The following PCDH9 variants were observed in gnomAD, a reference collection of about 807,000 sequenced individuals.
PCDH9 encodes protocadherin 9.
Under a neutral mutation model 70.6 loss-of-function variants are expected in PCDH9, and 24 were observed. The ratio of observed to expected loss-of-function variants is 0.34; its 90% CI spans 0.25 to 0.48. The LOEUF is 0.48. Among genes scored for constraint, PCDH9 ranks in the 20% least tolerant of loss-of-function variants. PCDH9 has a pLI of 0.99. For missense variants in PCDH9, 1,281 were observed against 1,503.6 expected, an observed-to-expected ratio of 0.85 and a Z score of 2.45; for synonymous variants, 562 against 558.5, an observed-to-expected ratio of 1.01 and a Z score of -0.09.
intron 2 of PCDH9, among the ~76,000 whole-genome samples, chr13:67,094,665 CT>C (rs201960584): frequency 0.19 from 26,734 of 143,794 alleles, 2,813 homozygotes; most frequent in East Asian, 0.27. Flanking sequence ...GATTCTTCTT[CT>C]TTTTTTTTTT....
rs55837718 is a variant in PCDH9 at position 66,304,260 on chromosome 13, C to CAAAAAAAAAAAAAAAAAAAAAAA, written c.*372_*394dup. On this transcript the variant is annotated 3_prime_UTR_variant, in exon 5 of 5. Transcript: ENST00000377865. ...TAGCAGTCCCAGCACAAATCAATGA[C>CAAAAAAAAAAAAAAAAAAAAAAA]AAAAAAAAAAAAAAAAAAAAAAAAA... 3.1e-5 allele frequency: 2 copies of CAAAAAAAAAAAAAAAAAAAAAAA among 65,320 alleles called. No homozygotes were observed. Among genetic ancestry groups the CAAAAAAAAAAAAAAAAAAAAAAA allele is most frequent in the Non-Finnish European group, 5.4e-5 (2 of 36,830 alleles). 4.0% of individuals were successfully genotyped at this position (65,320 alleles called of 1,614,324 possible).
intron 3 of PCDH9, among the ~76,000 whole-genome samples, chr13:66,770,482 G>C (rs1018338077): frequency 2.6e-5 from 4 of 152,162 alleles, no homozygotes; most frequent in Admixed American, 1.3e-4. Flanking sequence ...AAACATGCTG[G>C]ATATTTCCTT....
At chr13:66,486,449 C>G (rs368209323) in intron 4 of PCDH9, among the ~76,000 whole-genome samples, 58 of 54,232 alleles carry the variant, frequency 1.1e-3, no homozygotes, top group African/African-American at 3.4e-3. Flanking sequence ...AGAGCTAGAC[C>G]CTGTCCCCCC....
intron 4 of PCDH9, among the ~76,000 whole-genome samples, chr13:66,425,153 C>A (rs1957646863): frequency 6.6e-6 from 1 of 151,740 alleles, no homozygotes; most frequent in Non-Finnish European, 1.5e-5. Context: ...AAGAGTATTG[C>A]ACTATATATA....
At chr13:66,334,282 CAT>C (rs1955994728) in intron 4 of PCDH9, among the ~76,000 whole-genome samples, 1 of 152,064 alleles carries the variant, frequency 6.6e-6, no homozygotes, top group African/African-American at 2.4e-5. Context: ...TGAGTGAGAA[CAT>C]GTGATATTTG....
At position 67,052,949 on chromosome 13, in the gene PCDH9, A is replaced by G. The variant is rs1257105729; in HGVS notation, c.3037-149344T>C. On this transcript the variant is annotated intron_variant, in intron 2 of 4. Coordinates refer to ENST00000377865, the MANE Select transcript of PCDH9 (RefSeq NM_203487.3). ...TCCATATGGTGCTGCCCATATGGAC[A>G]TGACAAGTAAGCCGTTCCATCAGAG... Among the ~76,000 whole-genome samples, 4 of 152,214 alleles carry G rather than the reference A, an allele frequency of 2.6e-5. No individual in the cohort carries two copies. In the East Asian group the frequency reaches 7.7e-4, roughly 29 times the overall value.
intron 4 of PCDH9, among the ~76,000 whole-genome samples, chr13:66,483,512 C>T (rs1028677193): frequency 6.6e-6 from 1 of 152,216 alleles, no homozygotes; most frequent in Non-Finnish European, 1.5e-5. Flanking sequence ...GGGAAATTAT[C>T]ACCATCAGTG....
At chr13:67,000,041 A>C (rs1269260996) in intron 2 of PCDH9, among the ~76,000 whole-genome samples, 2 of 152,324 alleles carry the variant, frequency 1.3e-5, no homozygotes, top group Admixed American at 1.3e-4. Context: ...ACGTATGTTT[A>C]TTGCGGCACT....
At chr13:66,904,734 A>C (rs1260097965) in intron 2 of PCDH9, among the ~76,000 whole-genome samples, 1 of 151,966 alleles carries the variant, frequency 6.6e-6, no homozygotes, top group Non-Finnish European at 1.5e-5. Context: ...TAGAATTTTA[A>C]TATATTGTGT....
chr13:66,568,994 C>CT (rs61067249), intron 4 of PCDH9, among the ~76,000 whole-genome samples: 2,308 of 58,218 alleles, frequency 0.04, 287 homozygotes, highest in South Asian at 0.046. Context: ...GGAAACATGT[C>CT]TTTTTTTTTT....
In PCDH9 at chr13:66,708,080, C is replaced by T. The variant is rs553673829; in HGVS notation, c.3139-76669G>A. On this transcript the variant is annotated intron_variant, in intron 3 of 4. Coordinates refer to ENST00000377865, the MANE Select transcript of PCDH9 (RefSeq NM_203487.3). ...TTTTTTATTTTTTGAGACGGAGTCTCGCTCTGTCGCCCAGGCTGGAGTGCA... is the reference window on the plus strand; with the variant it reads ...TTTTTTATTTTTTGAGACGGAGTCTTGCTCTGTCGCCCAGGCTGGAGTGCA... 5.9e-5 allele frequency among the ~76,000 whole-genome samples: 9 copies of T among 151,732 alleles called. No homozygotes were observed. In the East Asian group the frequency reaches 1.6e-3, roughly 26 times the overall value.
At chr13:66,536,887 A>T (rs1448340718) in intron 4 of PCDH9, among the ~76,000 whole-genome samples, 2 of 152,136 alleles carry the variant, frequency 1.3e-5, no homozygotes, top group African/African-American at 4.8e-5. Context: ...AATTAAAAAA[A>T]GTTGCAGAAT....
chr13:66,627,454 T>C lies in PCDH9; in HGVS notation c.3340+3756A>G, dbSNP rs184158838. 1.1e-4 allele frequency among the ~76,000 whole-genome samples: 16 copies of C among 152,336 alleles called. No homozygotes were observed. The East Asian group carries it at 2.9e-3, about 28-fold the overall frequency. ...TGTAATAATTCTATCCTAATATGAA[T>C]GAACATTCAGTCTGACTCTCTTAAT... On this transcript the variant is annotated intron_variant, in intron 4 of 4. Coordinates refer to ENST00000377865, the MANE Select transcript of PCDH9 (RefSeq NM_203487.3).
rs1956732886 is a variant in PCDH9 at position 66,375,534 on chromosome 13, AAGG to A, written c.3341-70509_3341-70507del. Among the ~76,000 whole-genome samples the A allele has an allele frequency of 2.0e-5, 3 of 152,246 alleles. No individual in the cohort carries two copies. The South Asian group carries it at 6.2e-4, about 32-fold the overall frequency. ...AGGAAATAGCAGGACAAGTGACAGA[AAGG>A]AGTGTCTTCAATAATTAGTGACTGT... On this transcript the variant is annotated intron_variant, in intron 4 of 4. Coordinates refer to ENST00000377865, the MANE Select transcript of PCDH9 (RefSeq NM_203487.3).
At chr13:67,049,172 T>C (rs2085277509) in intron 2 of PCDH9, among the ~76,000 whole-genome samples, 2 of 152,238 alleles carry the variant, frequency 1.3e-5, no homozygotes, top group South Asian at 4.1e-4. Flanking sequence ...TTCTGTACTT[T>C]TTAAAACTTG....
intron 4 of PCDH9, among the ~76,000 whole-genome samples, chr13:66,577,353 A>C (rs1028377621): frequency 4.6e-5 from 7 of 151,980 alleles, no homozygotes; most frequent in African/African-American, 1.7e-4. Flanking sequence ...AGAAACAGGA[A>C]TTATAAAGTA....
At chr13:66,711,697 T>A (rs1254184822) in intron 3 of PCDH9, among the ~76,000 whole-genome samples, 1 of 152,182 alleles carries the variant, frequency 6.6e-6, no homozygotes, top group Admixed American at 6.5e-5. Flanking sequence ...AATATACTCA[T>A]TTTTTAAGAC....
At chr13:66,766,337 G>C (rs2079717655) in intron 3 of PCDH9, among the ~76,000 whole-genome samples, 1 of 151,994 alleles carries the variant, frequency 6.6e-6, no homozygotes, top group South Asian at 2.1e-4. Flanking sequence ...CCTTGGAAAG[G>C]GTAGTGGCTA....
intron 2 of PCDH9, among the ~76,000 whole-genome samples, chr13:67,182,823 C>T (rs1235446487): frequency 6.6e-6 from 1 of 152,048 alleles, no homozygotes; most frequent in Non-Finnish European, 1.5e-5. Flanking sequence ...CTCTGCCTGT[C>T]CCCAGGTGTT....
Sources: gnomAD v4.1 joint callset for allele counts (sites outside exome capture counted in the v4.1 genomes callset) on GRCh38, gnomAD v4.1.1 for gene constraint, MANE v1.5 for transcripts, NCBI Gene and HGNC (gene_info 2026-07-23, HGNC 2026-07-21) for gene names.